TWIST2: variants seen among roughly 807,000 people sequenced by gnomAD.
TWIST2 encodes twist-related protein 2.
A neutral mutation model predicts 11.6 loss-of-function variants in TWIST2; 1 was observed. The ratio of observed to expected loss-of-function variants is 0.09; its 90% CI spans 0.03 to 0.41. The LOEUF is 0.41. Ranked by LOEUF, TWIST2 falls within the 10% of genes least tolerant of loss-of-function variation. TWIST2 has a pLI of 0.98. For missense variants in TWIST2, 168 were observed against 226.4 expected (o/e 0.74, Z 1.66); for synonymous variants, 87 against 96.6 (o/e 0.90, Z 0.58).
intron 1 of TWIST2, among the ~76,000 whole-genome samples, chr2:238,882,653 T>A (rs557609095): frequency 6.6e-6 from 1 of 152,318 alleles, no homozygotes; most frequent in South Asian, 2.1e-4. Flanking sequence ...GAGTTAATGA[T>A]CTGTAAAAAC....
chr2:238,871,872 G>A lies in TWIST2; in HGVS notation c.*35+23139G>A, dbSNP rs143076144. 1.7e-3 allele frequency among the ~76,000 whole-genome samples: 255 copies of A among 152,254 alleles called. 1 individual carries two copies. The highest frequency in any genetic ancestry group is 5.7e-3 in the African/African-American group (238 of 41,532). ...GATTCATAGAGACGGAAGGCAGAAC[G>A]ATGGCTGCCGGGGGCCGAGGGGAGG... On this transcript the variant is annotated intron_variant, in intron 1 of 1. Coordinates refer to ENST00000612363, the MANE Select transcript of TWIST2 (RefSeq NM_001271893.4).
intron 1 of TWIST2, among the ~76,000 whole-genome samples, chr2:238,865,009 T>G (rs1231214926): frequency 1.3e-5 from 2 of 152,070 alleles, no homozygotes; most frequent in African/African-American, 4.8e-5. Flanking sequence ...CAAACTGACA[T>G]AAAGGGTTTG....
intron 1 of TWIST2, among the ~76,000 whole-genome samples, chr2:238,908,915 G>A (rs1191510111): frequency 2.0e-5 from 3 of 151,778 alleles, no homozygotes; most frequent in Non-Finnish European, 4.4e-5. Flanking sequence ...GTTTGTGTAT[G>A]TGGCAGTGTG....
chr2:238,896,576 TC>T (rs1693210268), intron 1 of TWIST2, among the ~76,000 whole-genome samples: 1 of 152,062 alleles, frequency 6.6e-6, no homozygotes, highest in Non-Finnish European at 1.5e-5. Flanking sequence ...TCTCAAAAAT[TC>T]CCGAGGCCCT....
chr2:238,875,223 G>C (rs934880314), intron 1 of TWIST2, among the ~76,000 whole-genome samples: 1 of 152,040 alleles, frequency 6.6e-6, no homozygotes, highest in African/African-American at 2.4e-5. Context: ...TGAGGCCATG[G>C]TGGACCCAGC....
chr2:238,905,945 G>GCA (rs1574769842), intron 1 of TWIST2, among the ~76,000 whole-genome samples: 3 of 111,484 alleles, frequency 2.7e-5, no homozygotes, highest in East Asian at 4.6e-4. Context: ...GTGTGTGTGC[G>GCA]CGCGCGTGTG....
chr2:238,907,907 C>T (rs1025390176), intron 1 of TWIST2, among the ~76,000 whole-genome samples: 1 of 130,978 alleles, frequency 7.6e-6, no homozygotes, highest in African/African-American at 3.0e-5. Context: ...CCCCCACTTA[C>T]AAACACACAC....
Position 238,903,421 on chromosome 2 carries a change from T to C in TWIST2, c.*36-6421T>C, listed in dbSNP as rs1345652505. The stretch of plus-strand genomic sequence containing the variant: ...TGTCTAATGTGAGGTGTGTGTGTGA[T>C]GTGGGATGTGTGTGATGTGGGGTGT... On this transcript the variant is annotated intron_variant, in intron 1 of 1. Transcript: ENST00000612363. Among the ~76,000 whole-genome samples the C allele has an allele frequency of 4.0e-3, 578 of 143,240 alleles. 3 individuals are homozygous for C. The highest frequency in any genetic ancestry group is 0.014 in the African/African-American group (550 of 38,594). The allele number at this position is 143,240 out of a possible 152,430, so 94.0% of individuals were successfully genotyped here.
chr2:238,893,064 G>T (rs1693165201), intron 1 of TWIST2, among the ~76,000 whole-genome samples: 2 of 152,146 alleles, frequency 1.3e-5, no homozygotes, highest in South Asian at 4.1e-4. Context: ...AACTCTGCAG[G>T]CCTAAAAGCA....
chr2:238,873,265 A>T (rs776070076), intron 1 of TWIST2, among the ~76,000 whole-genome samples: 1 of 152,096 alleles, frequency 6.6e-6, no homozygotes, highest in Non-Finnish European at 1.5e-5. Flanking sequence ...GAAGAAGTCA[A>T]GGCAGTTCCT....
intron 1 of TWIST2, among the ~76,000 whole-genome samples, chr2:238,877,065 C>T (rs778194841): frequency 3.9e-5 from 6 of 152,022 alleles, no homozygotes; most frequent in South Asian, 2.1e-4. Flanking sequence ...GGCGTGGTGG[C>T]GCTTACCTGT....
chr2:238,853,288 T>A (rs1269403985), intron 1 of TWIST2, among the ~76,000 whole-genome samples: 1 of 152,068 alleles, frequency 6.6e-6, no homozygotes, highest in African/African-American at 2.4e-5. Flanking sequence ...AGCCAATGAT[T>A]TATAAAAATT....
chr2:238,898,498 G>A (rs1393812276), intron 1 of TWIST2, among the ~76,000 whole-genome samples: 1 of 152,234 alleles, frequency 6.6e-6, no homozygotes, highest in Non-Finnish European at 1.5e-5. Flanking sequence ...GGCCATTGAG[G>A]ATGCAAAGAT....
chr2:238,873,607 C>T (rs1692750165), intron 1 of TWIST2, among the ~76,000 whole-genome samples: 1 of 152,144 alleles, frequency 6.6e-6, no homozygotes, highest in Non-Finnish European at 1.5e-5. Flanking sequence ...GGAAGGTGCA[C>T]ACCGTGCACA....
intron 1 of TWIST2, among the ~76,000 whole-genome samples, chr2:238,858,533 C>G (rs1237716556): frequency 4.6e-5 from 7 of 152,162 alleles, no homozygotes; most frequent in Non-Finnish European, 8.8e-5. Context: ...ATCCACGGTT[C>G]AGAATAAGAC....
In TWIST2 at chr2:238,905,097, G is replaced by A. The variant is rs1264949559; in HGVS notation, c.*36-4745G>A. Among the ~76,000 whole-genome samples the A allele has an allele frequency of 5.9e-5, 9 of 152,244 alleles. No individual in the cohort carries two copies. In the East Asian group the frequency reaches 1.5e-3, roughly 26 times the overall value. Reference sequence around the variant, plus strand: ...GTGAGGAGATGGATAAATGGTCTTAGAGTAAAACGCCTTTCCCTTGGCCCA... The same window carrying A: ...GTGAGGAGATGGATAAATGGTCTTAAAGTAAAACGCCTTTCCCTTGGCCCA... On this transcript the variant is annotated intron_variant, in intron 1 of 1. Coordinates refer to ENST00000612363, the MANE Select transcript of TWIST2 (RefSeq NM_001271893.4).
At chr2:238,892,709 G>T (rs1248774521) in intron 1 of TWIST2, among the ~76,000 whole-genome samples, 1 of 152,050 alleles carries the variant, frequency 6.6e-6, no homozygotes, top group Non-Finnish European at 1.5e-5. Context: ...TTGAATTCCT[G>T]AAATCAGGGA....
intron 1 of TWIST2, among the ~76,000 whole-genome samples, chr2:238,872,226 G>A (rs1692719720): frequency 6.6e-6 from 1 of 152,166 alleles, no homozygotes; most frequent in African/African-American, 2.4e-5. Flanking sequence ...CCTCAGACTT[G>A]TTGCTCATTT....
chr2:238,876,835 G>A (rs1173347341), intron 1 of TWIST2, among the ~76,000 whole-genome samples: 1 of 152,024 alleles, frequency 6.6e-6, no homozygotes, highest in Non-Finnish European at 1.5e-5. Context: ...GTCAAAAAAG[G>A]GAATAAAGGG....
Sources: allele counts gnomAD v4.1 joint callset (sites outside exome capture counted in the v4.1 genomes callset), GRCh38; gene constraint gnomAD v4.1.1; transcripts MANE v1.5; gene names NCBI Gene and HGNC (gene_info 2026-07-23, HGNC 2026-07-21).